The following ADGRB3 variants were observed in gnomAD, a reference collection of about 807,000 sequenced individuals.
The protein encoded by ADGRB3 is brain-specific angiogenesis inhibitor 3.
A neutral mutation model predicts 193.4 loss-of-function variants in ADGRB3; 37 were observed. The ratio of observed to expected loss-of-function variants is 0.19; its 90% CI spans 0.15 to 0.25. ADGRB3 has a LOEUF of 0.25. Ranked by LOEUF, ADGRB3 falls within the 10% of genes least tolerant of loss-of-function variation. ADGRB3 has a pLI of 1.00. For synonymous variants in ADGRB3, 690 were observed against 644.2 expected, an observed-to-expected ratio of 1.07 and a Z score of -1.08; for missense variants, 1,637 against 1,852.9, an observed-to-expected ratio of 0.88 and a Z score of 2.14.
At chr6:69,176,616 G>A (rs768450920) in intron 17 of ADGRB3, among the ~76,000 whole-genome samples, 21 of 152,070 alleles carry the variant, frequency 1.4e-4, no homozygotes, top group Non-Finnish European at 2.1e-4. Flanking sequence ...TGCCAGCTTT[G>A]GTGTCAGGGT....
At chr6:69,061,498 C>T (rs1360110008) in intron 15 of ADGRB3, among the ~76,000 whole-genome samples, 1 of 151,938 alleles carries the variant, frequency 6.6e-6, no homozygotes, top group Non-Finnish European at 1.5e-5. Context: ...TATGCCTTTA[C>T]AGCATAATCA....
rs147323945 is a variant in ADGRB3, at chr6:68,907,425, G to A, written c.758-23134G>A. On this transcript the variant is annotated intron_variant, in intron 3 of 31. Coordinates refer to ENST00000370598, the MANE Select transcript of ADGRB3 (RefSeq NM_001704.3). ...GATCTACTTCCAAACCAGTGTGAAA[G>A]AATTATTGTTATAATGAGCATCCTT... Among the ~76,000 whole-genome samples, 525 of 151,908 alleles carry A rather than the reference G, an allele frequency of 3.5e-3. 4 individuals carry two copies. The highest frequency in any genetic ancestry group is 0.011 in the African/African-American group (454 of 41,520).
In ADGRB3 at chr6:69,052,651, T is replaced by G. The variant is rs187451567; in HGVS notation, c.2333+3305T>G. The stretch of plus-strand genomic sequence containing the variant: ...CCTTCATACAAAGACAAAAATAATT[T>G]TGCATGTTGACTCTCTCTTTTATTG... On this transcript the variant is annotated intron_variant, in intron 15 of 31. Coordinates refer to ENST00000370598, the MANE Select transcript of ADGRB3 (RefSeq NM_001704.3). 1.1e-4 allele frequency among the ~76,000 whole-genome samples: 17 copies of G among 152,360 alleles called. No individual in the cohort carries two copies. In the East Asian group the frequency reaches 3.3e-3, roughly 29 times the overall value.
At chr6:69,338,828 G>T in intron 24 of ADGRB3, 88 bp from the exon 25 acceptor site, 1 of 1,050,658 alleles carries the variant, frequency 9.5e-7, no homozygotes, top group Non-Finnish European at 1.5e-6. Flanking sequence ...GCATGAAATC[G>T]TATTTAAAAG....
Position 69,131,624 on chromosome 6 carries a change from G to A in ADGRB3, c.2480+55586G>A, listed in dbSNP as rs551419503. Among the ~76,000 whole-genome samples, 18 of 151,694 alleles carry A rather than the reference G, an allele frequency of 1.2e-4. 1 individual carries two copies. Among genetic ancestry groups the A allele is most frequent in the South Asian group, 8.3e-4 (4 of 4,812 alleles). On this transcript the variant is annotated intron_variant, in intron 17 of 31. Transcript: ENST00000370598. ...TAACAAGTACATTTTAACTGCCTTC[G>A]TTTTTTATTTTTTTAATAATACTTT...
At chr6:69,274,623 C>CTTCT (rs1554187802) in intron 20 of ADGRB3, among the ~76,000 whole-genome samples, 3 of 130,316 alleles carry the variant, frequency 2.3e-5, no homozygotes, top group African/African-American at 6.0e-5. Flanking sequence ...CCCTCCCTCC[C>CTTCT]TTCCTTCCTT....
chr6:69,031,550 T>TTTCTTTCTTTCTTTC lies in ADGRB3; in HGVS notation c.2107+13053_2107+13054insCTTTCTTTCTTTCTT. Among the ~76,000 whole-genome samples the TTTCTTTCTTTCTTTC allele has an allele frequency of 1.4e-3, 100 of 70,068 alleles. 13 individuals carry two copies. Among genetic ancestry groups the TTTCTTTCTTTCTTTC allele is most frequent in the South Asian group, 2.9e-3 (6 of 2,070 alleles). The allele number at this position is 70,068 out of a possible 152,430, so 46.0% of individuals were successfully genotyped here. A position where few individuals can be genotyped will look rare whatever the true frequency, so the allele number is the denominator to read the frequency against. ...CTTTCTTTCTTTCTTTCTTTCTTTC[T>TTTCTTTCTTTCTTTC]TTTTCTTTCTTTCTTTTCTTCCTCT... On this transcript the variant is annotated intron_variant, in intron 13 of 31. Coordinates refer to ENST00000370598, the MANE Select transcript of ADGRB3 (RefSeq NM_001704.3).
chr6:69,072,007 T>C (rs2150311228), intron 16 of ADGRB3, among the ~76,000 whole-genome samples: 1 of 152,244 alleles, frequency 6.6e-6, no homozygotes, highest in Non-Finnish European at 1.5e-5. Context: ...AGCAAAACCT[T>C]TTAGCCAGCT....
chr6:68,713,663 T>C (rs1052181670), intron 3 of ADGRB3, among the ~76,000 whole-genome samples: 1 of 151,368 alleles, frequency 6.6e-6, no homozygotes, highest in Non-Finnish European at 1.5e-5. Flanking sequence ...TTTTTGCCCC[T>C]ACATTGTAAC....
intron 3 of ADGRB3, among the ~76,000 whole-genome samples, chr6:68,889,379 C>A (rs1766006847): frequency 6.6e-6 from 1 of 152,116 alleles, no homozygotes; most frequent in Non-Finnish European, 1.5e-5. Context: ...GGCTGATCAA[C>A]CTGAGACTAT....
At chr6:69,303,077 G>A (rs1767981593) in intron 20 of ADGRB3, among the ~76,000 whole-genome samples, 1 of 151,914 alleles carries the variant, frequency 6.6e-6, no homozygotes, top group African/African-American at 2.4e-5. Context: ...AAAACAAATT[G>A]ACATTAGACA....
At chr6:69,133,461 T>C (rs950308111) in intron 17 of ADGRB3, among the ~76,000 whole-genome samples, 1 of 151,958 alleles carries the variant, frequency 6.6e-6, no homozygotes, top group African/African-American at 2.4e-5. Context: ...AATTCTGACA[T>C]TGAGGCAGTA....
intron 13 of ADGRB3, among the ~76,000 whole-genome samples, chr6:69,033,168 G>A (rs573602538): frequency 6.6e-6 from 1 of 152,246 alleles, no homozygotes; most frequent in South Asian, 2.1e-4. Context: ...AATATGTGCT[G>A]TCTAGCTGTT....
intron 17 of ADGRB3, among the ~76,000 whole-genome samples, chr6:69,176,809 T>A (rs1035413572): frequency 7.2e-5 from 11 of 152,222 alleles, no homozygotes; most frequent in African/African-American, 2.7e-4. Context: ...ATTTCAGAAC[T>A]CAATATTGAT....
chr6:69,147,463 C>T (rs549767943), intron 17 of ADGRB3, among the ~76,000 whole-genome samples: 2 of 152,270 alleles, frequency 1.3e-5, no homozygotes, highest in Non-Finnish European at 2.9e-5. Context: ...CAACATTCCT[C>T]TTGTTATTTA....
intron 8 of ADGRB3, 96 bp downstream of exon 8, chr6:68,956,905 C>T: frequency 7.3e-7 from 1 of 1,368,398 alleles, no homozygotes; most frequent in Non-Finnish European, 9.9e-7. Context: ...TCATATTCCT[C>T]AACTAAAGAA....
At chr6:69,031,571 C>CTTTCTTTCTTTCT (rs1337493560) in intron 13 of ADGRB3, among the ~76,000 whole-genome samples, 6 of 106,940 alleles carry the variant, frequency 5.6e-5, no homozygotes, top group Admixed American at 1.0e-4. Flanking sequence ...TTCTTTTCTT[C>CTTTCTTTCTTTCT]CTCTGTCTCT....
chr6:68,864,690 G>T lies in ADGRB3; in HGVS notation c.758-65869G>T, dbSNP rs189523860. Among the ~76,000 whole-genome samples, 95 of 152,272 alleles carry T rather than the reference G, an allele frequency of 6.2e-4. 1 individual carries two copies. The highest frequency in any genetic ancestry group is 2.1e-3 in the African/African-American group (86 of 41,558). Reference sequence around the variant, plus strand: ...AATTACTACAAGAAAATAGCTAATTGTGTGAAAACAGCATCTCCTTTGCTC... The same window carrying T: ...AATTACTACAAGAAAATAGCTAATTTTGTGAAAACAGCATCTCCTTTGCTC... On this transcript the variant is annotated intron_variant, in intron 3 of 31. Transcript: ENST00000370598.
At chr6:69,382,657 C>G (rs1303716805) in intron 30 of ADGRB3, among the ~76,000 whole-genome samples, 174 bp from the exon 31 acceptor site, 1 of 151,782 alleles carries the variant, frequency 6.6e-6, no homozygotes, top group Non-Finnish European at 1.5e-5. Context: ...GTAAGAAGTG[C>G]TGAATATGAG....
Sources: gnomAD v4.1 joint callset for allele counts (sites outside exome capture counted in the v4.1 genomes callset) on GRCh38, gnomAD v4.1.1 for gene constraint, MANE v1.5 for transcripts, NCBI Gene and HGNC (gene_info 2026-07-23, HGNC 2026-07-21) for gene names.